The following KAT6B variants were observed in gnomAD, a reference collection of about 807,000 sequenced individuals.
KAT6B encodes histone acetyltransferase KAT6B.
In KAT6B, 10 loss-of-function variants were observed where a neutral mutation model predicts 187.5. The ratio of observed to expected loss-of-function variants is 0.05; its 90% CI spans 0.03 to 0.09. The LOEUF is 0.09. KAT6B is among the 10% of genes least tolerant of loss of function. The pLI, the probability that KAT6B is intolerant of heterozygous loss-of-function variation, is 1.00. For missense variants in KAT6B, 1,952 were observed against 2,558.9 expected, an observed-to-expected ratio of 0.76 and a Z score of 5.12; for synonymous variants, 861 against 926.8, an observed-to-expected ratio of 0.93 and a Z score of 1.29.
At chr10:74,908,450 A>C (rs1050864257) in intron 3 of KAT6B, among the ~76,000 whole-genome samples, 3 of 151,040 alleles carry the variant, frequency 2.0e-5, no homozygotes, top group Non-Finnish European at 4.4e-5. Context: ...AGTCCCAGCT[A>C]CTCGGGAGGC....
At chr10:74,916,872 C>T (rs1847728076) in intron 3 of KAT6B, among the ~76,000 whole-genome samples, 1 of 152,158 alleles carries the variant, frequency 6.6e-6, no homozygotes, top group Non-Finnish European at 1.5e-5. Flanking sequence ...GAGGCCCAGG[C>T]GGGTGGATGT....
At chr10:74,943,225 T>G (rs1229614888) in intron 3 of KAT6B, among the ~76,000 whole-genome samples, 1 of 152,134 alleles carries the variant, frequency 6.6e-6, no homozygotes, top group East Asian at 1.9e-4. Context: ...TACAATAGCA[T>G]CAAATACTAT....
chr10:74,857,567 G>A (rs187862363), intron 3 of KAT6B, among the ~76,000 whole-genome samples: 212 of 152,320 alleles, frequency 1.4e-3, no homozygotes, highest in Middle Eastern at 6.8e-3. Flanking sequence ...ATTTTGCCAG[G>A]TAAGGTTCTG....
At chr10:74,929,446 CA>C (rs1175384513) in intron 3 of KAT6B, among the ~76,000 whole-genome samples, 1 of 152,100 alleles carries the variant, frequency 6.6e-6, no homozygotes. Context: ...AAACGAATGG[CA>C]GTATTAGTCA....
upstream of KAT6B, among the ~76,000 whole-genome samples, chr10:74,825,071 G>C (rs1168460929): frequency 2.6e-5 from 4 of 152,230 alleles, no homozygotes; most frequent in Non-Finnish European, 5.9e-5. This position sits in a 1 kb window ranked among gnomAD's most constrained non-coding sequence, Gnocchi z 5.0. Flanking sequence ...CGCAGTCGCT[G>C]AATGTCACTG....
At chr10:74,843,675 G>T (rs540601195) in intron 3 of KAT6B, among the ~76,000 whole-genome samples, 197 bp downstream of exon 3, 1 of 152,266 alleles carries the variant, frequency 6.6e-6, no homozygotes, top group South Asian at 2.1e-4. Context: ...GGTTGGCCAA[G>T]AATTTAATGG....
intron 3 of KAT6B, among the ~76,000 whole-genome samples, chr10:74,905,078 C>T (rs2001245): frequency 0.4 from 61,000 of 152,078 alleles, 15,754 homozygotes; most frequent in Non-Finnish European, 0.58. Context: ...ATCCTGCCTT[C>T]TCTCAATATG....
intron 12 of KAT6B, 67 bp from the exon 13 acceptor site, chr10:74,988,952 G>GAATTGC (rs1472155788): frequency 1.9e-6 from 2 of 1,048,044 alleles, no homozygotes; most frequent in African/African-American, 3.1e-5. Flanking sequence ...AAGGACAGTG[G>GAATTGC]CAGGTGCAGG....
At chr10:75,022,864 C>T (rs906305169) in intron 16 of KAT6B, among the ~76,000 whole-genome samples, 1 of 152,192 alleles carries the variant, frequency 6.6e-6, no homozygotes, top group Admixed American at 6.5e-5. Context: ...GCAGAGGTTG[C>T]AGTAAGCCGA....
chr10:74,883,598 C>G (rs1271448980), intron 3 of KAT6B, among the ~76,000 whole-genome samples: 1 of 152,144 alleles, frequency 6.6e-6, no homozygotes, highest in Non-Finnish European at 1.5e-5. Flanking sequence ...CTTGAGCAGT[C>G]CTTCAGGTAG....
Position 75,021,193 on chromosome 10 carries a change from G to T in KAT6B, c.2929G>T (p.Ala977Ser). 6.2e-7 allele frequency: 1 copy of T among 1,614,084 alleles called. No homozygotes were observed. The highest frequency in any genetic ancestry group is 1.1e-5 in the South Asian group (1 of 91,084). The change falls in exon 15 of 18, where the codon GCC becomes TCC. Residue 977 changes from alanine (A) to serine (S), a missense_variant. Around this residue, in one of 9 missense-constraint regions of KAT6B, gnomAD observed 758 missense variants for 891.4 expected, o/e 0.85. Coordinates refer to ENST00000287239, the MANE Select transcript of KAT6B (RefSeq NM_012330.4). ...HMEKLKTCSRANELDPDSLRW... is the reference protein window; with the variant it reads ...HMEKLKTCSRSNELDPDSLRW... ...GGAAAAGCTGAAAACCTGTTCCAGAGCCAATGAACTTGATCCAGACAGTCT... is the reference window on the plus strand; with the variant it reads ...GGAAAAGCTGAAAACCTGTTCCAGATCCAATGAACTTGATCCAGACAGTCT...
intron 15 of KAT6B, 142 bp downstream of exon 15, chr10:75,021,427 CTG>C (rs771328980): frequency 1.0e-4 from 78 of 755,662 alleles, no homozygotes; most frequent in Middle Eastern, 9.3e-4. Context: ...TTTATCCTAA[CTG>C]AGGTTGCATG....
chr10:75,027,373 C>G (rs1352037518), intron 17 of KAT6B, among the ~76,000 whole-genome samples: 2 of 152,250 alleles, frequency 1.3e-5, no homozygotes, highest in East Asian at 3.9e-4. Context: ...CTCTGCTGTC[C>G]ACCAGTTGGA....
intron 1 of KAT6B, 69 bp from the exon 2 acceptor site, chr10:74,838,614 A>G (rs1298808353): frequency 6.6e-6 from 1 of 152,200 alleles, no homozygotes; most frequent in Non-Finnish European, 1.5e-5. Flanking sequence ...TTGTGGAGAT[A>G]CACGGATGGT....
At position 74,976,085 on chromosome 10, in the gene KAT6B, C is replaced by G; in HGVS notation, c.1748C>G (p.Ser583Cys). ...ACTGAATTATCTTCCACGGCAAAATCTAAAGCCCACTTCTTTGGCAAAAGA... is the reference window on the plus strand; with the variant it reads ...ACTGAATTATCTTCCACGGCAAAATGTAAAGCCCACTTCTTTGGCAAAAGA... The part of the protein sequence containing the change: ...RKTELSSTAK[S>C]KAHFFGKRDI... Residue 583 changes from serine to cysteine, a missense_variant, in exon 8 of 18, where the codon TCT (serine) becomes TGT (cysteine). Ser to Cys is a moderately radical substitution (Grantham distance 112). This residue lies in a region of KAT6B where 417 missense variants were observed against 508.9 expected (regional missense o/e 0.82). Coordinates refer to ENST00000287239, the MANE Select transcript of KAT6B (RefSeq NM_012330.4). 1 of 1,614,232 alleles carries G rather than the reference C, an allele frequency of 6.2e-7. No individual in the cohort carries two copies. Among genetic ancestry groups the G allele is most frequent in the Non-Finnish European group, 8.5e-7 (1 of 1,180,056 alleles).
intron 13 of KAT6B, among the ~76,000 whole-genome samples, chr10:75,010,199 A>T (rs1564619518): frequency 6.6e-6 from 1 of 152,202 alleles, no homozygotes; most frequent in Non-Finnish European, 1.5e-5. Context: ...TCACGTTTCA[A>T]AGCATTTGGG....
In KAT6B at chr10:75,014,515, G is replaced by T. The variant is rs563741801; in HGVS notation, c.2630-6067G>T. The stretch of plus-strand genomic sequence containing the variant: ...ATGGGTTTATCGTTATCTTTTAGAT[G>T]AATTAATAAATATTTGTCAAATTTC... On this transcript the variant is annotated intron_variant, in intron 13 of 17. Coordinates refer to ENST00000287239, the MANE Select transcript of KAT6B (RefSeq NM_012330.4). Among the ~76,000 whole-genome samples, 4 of 152,146 alleles carry T rather than the reference G, an allele frequency of 2.6e-5. No homozygotes were observed. In the South Asian group the frequency reaches 6.2e-4, roughly 24 times the overall value.
At chr10:74,962,309 G>C (rs1289780114) in intron 4 of KAT6B, among the ~76,000 whole-genome samples, 1 of 152,094 alleles carries the variant, frequency 6.6e-6, no homozygotes, top group African/African-American at 2.4e-5. Flanking sequence ...GCTCTGTTTT[G>C]ACACCTTGGT....
At chr10:74,953,834 T>G (rs1840483997) in intron 3 of KAT6B, among the ~76,000 whole-genome samples, 1 of 152,218 alleles carries the variant, frequency 6.6e-6, no homozygotes, top group Admixed American at 6.5e-5. Context: ...TTACTTAGAC[T>G]AAGGCTAACA....
Sources: allele counts gnomAD v4.1 joint callset (sites outside exome capture counted in the v4.1 genomes callset), GRCh38; gene constraint gnomAD v4.1.1; regional missense constraint gnomAD v4.1.1; non-coding constraint Gnocchi (gnomAD v3.1); transcripts MANE v1.5; gene names NCBI Gene and HGNC (gene_info 2026-07-23, HGNC 2026-07-21).